Variants in ERBB4 observed in about 807,000 individuals in gnomAD.
ERBB4 encodes erb-b2 receptor tyrosine kinase 4, also known as receptor tyrosine-protein kinase erbB-4.
In ERBB4, 42 loss-of-function variants were observed where a neutral mutation model predicts 158.0. The ratio of observed to expected loss-of-function variants is 0.27; its 90% CI spans 0.21 to 0.34. The LOEUF (loss-of-function observed/expected upper bound fraction) is 0.34, where lower values mean the gene tolerates loss of function less well. Among genes scored for constraint, ERBB4 ranks in the 10% least tolerant of loss-of-function variants. The probability of loss-of-function intolerance (pLI) is 1.00; values close to 1 mark genes in which losing one functional copy is unlikely to be tolerated. For synonymous variants in ERBB4, 583 were observed against 558.7 expected (o/e 1.04, Z -0.61); for missense variants, 1,333 against 1,624.1 (o/e 0.82, Z 3.08).
chr2:211,945,138 G>A (rs142512811), intron 3 of ERBB4, among the ~76,000 whole-genome samples: 138 of 152,052 alleles, frequency 9.1e-4, no homozygotes, highest in African/African-American at 2.7e-3. Flanking sequence ...TGCTTTAATC[G>A]GGTTACCTAG....
chr2:212,391,534 C>T (rs920057434), intron 1 of ERBB4, among the ~76,000 whole-genome samples: 2 of 147,054 alleles, frequency 1.4e-5, no homozygotes, highest in African/African-American at 5.2e-5. Context: ...CATTGTATGG[C>T]CTCATAGATA....
At chr2:211,664,438 G>A (rs1356264879) in intron 15 of ERBB4, among the ~76,000 whole-genome samples, 1 of 152,010 alleles carries the variant, frequency 6.6e-6, no homozygotes, top group Non-Finnish European at 1.5e-5. Context: ...GGCTTTATGG[G>A]CAGTAGGAGG....
At chr2:211,458,751 G>A (rs921393741) in intron 20 of ERBB4, among the ~76,000 whole-genome samples, 3 of 152,088 alleles carry the variant, frequency 2.0e-5, no homozygotes, top group Admixed American at 2.0e-4. Flanking sequence ...GCTTTCAGGG[G>A]AATCCAGGCT....
intron 1 of ERBB4, among the ~76,000 whole-genome samples, chr2:212,127,252 G>T: frequency 6.6e-6 from 1 of 152,174 alleles, no homozygotes; most frequent in East Asian, 1.9e-4. Flanking sequence ...TGTAGCCCAG[G>T]ATGACATTGA....
chr2:211,700,052 T>C (rs2073174551), intron 12 of ERBB4, among the ~76,000 whole-genome samples: 1 of 152,186 alleles, frequency 6.6e-6, no homozygotes, highest in African/African-American at 2.4e-5. Flanking sequence ...TTCTTTTATA[T>C]ATTTCTTTAC....
chr2:212,403,984 G>A (rs2091278153), intron 1 of ERBB4, among the ~76,000 whole-genome samples: 1 of 151,918 alleles, frequency 6.6e-6, no homozygotes, highest in Non-Finnish European at 1.5e-5. Flanking sequence ...GTTTAAGAAG[G>A]CAGGTAAAGG....
At chr2:212,279,075 T>C (rs2085654814) in intron 1 of ERBB4, among the ~76,000 whole-genome samples, 1 of 151,528 alleles carries the variant, frequency 6.6e-6, no homozygotes. Flanking sequence ...TGTAAATTTG[T>C]GTGTATTTTT....
intron 1 of ERBB4, among the ~76,000 whole-genome samples, chr2:212,474,589 A>G (rs1689280153): frequency 6.6e-6 from 1 of 151,952 alleles, no homozygotes; most frequent in Non-Finnish European, 1.5e-5. Context: ...AAACTTTCTG[A>G]GAGTCTTGAG....
intron 1 of ERBB4, among the ~76,000 whole-genome samples, chr2:212,240,985 G>A (rs527718243): frequency 6.6e-6 from 1 of 152,216 alleles, no homozygotes; most frequent in Non-Finnish European, 1.5e-5. Flanking sequence ...TCTAACCATG[G>A]AGAAAATTGG....
chr2:211,733,394 G>T (rs2074492048), intron 5 of ERBB4, among the ~76,000 whole-genome samples: 1 of 152,092 alleles, frequency 6.6e-6, no homozygotes, highest in Non-Finnish European at 1.5e-5. Context: ...TTCCTCACAG[G>T]CCTGTAGATA....
chr2:212,004,708 A>G (rs1214384500), intron 2 of ERBB4, among the ~76,000 whole-genome samples: 1 of 152,142 alleles, frequency 6.6e-6, no homozygotes, highest in African/African-American at 2.4e-5. Context: ...CTATCACACT[A>G]CAGAGAGGTA....
chr2:212,457,188 T>C (rs982585724), intron 1 of ERBB4, among the ~76,000 whole-genome samples: 9 of 152,064 alleles, frequency 5.9e-5, no homozygotes, highest in African/African-American at 1.9e-4. Context: ...TTCAGGCTAA[T>C]AGAGACAGGT....
chr2:212,296,228 T>C (rs1430504580), intron 1 of ERBB4, among the ~76,000 whole-genome samples: 2 of 151,930 alleles, frequency 1.3e-5, no homozygotes, highest in African/African-American at 2.4e-5. Context: ...GACTGAAGCA[T>C]GAGAGAGGGC....
Position 211,840,216 on chromosome 2 carries a change from C to A in ERBB4, c.422-52057G>T, listed in dbSNP as rs141470411. Among the ~76,000 whole-genome samples the A allele has an allele frequency of 8.5e-5, 13 of 152,074 alleles. No homozygotes were observed. In the East Asian group the frequency reaches 1.9e-3, roughly 23 times the overall value. ...TGATGGTGAATAAGTCTCAAGAGATCTGATGGTTTTCTAAAGGGGAGTTCC... is the reference window on the plus strand; with the variant it reads ...TGATGGTGAATAAGTCTCAAGAGATATGATGGTTTTCTAAAGGGGAGTTCC... On this transcript the variant is annotated intron_variant, in intron 3 of 27. Coordinates refer to ENST00000342788, the MANE Select transcript of ERBB4 (RefSeq NM_005235.3).
At chr2:211,553,591 CAT>C (rs1240859166) in intron 20 of ERBB4, among the ~76,000 whole-genome samples, 1 of 152,136 alleles carries the variant, frequency 6.6e-6, no homozygotes, top group Non-Finnish European at 1.5e-5. Context: ...TAAAATAACA[CAT>C]AGTTTACATT....
At position 211,515,017 on chromosome 2, in the gene ERBB4, T is replaced by A. The variant is rs540839567; in HGVS notation, c.2487+46886A>T. On this transcript the variant is annotated intron_variant, in intron 20 of 27. Transcript: ENST00000342788. Reference sequence around the variant, plus strand: ...AGTACGAAATGAAAAAGGGATTGATTACTGGCTGGTGAGGAGCAGGAAAGG... The same window carrying A: ...AGTACGAAATGAAAAAGGGATTGATAACTGGCTGGTGAGGAGCAGGAAAGG... Among the ~76,000 whole-genome samples, 5 of 152,272 alleles carry A rather than the reference T, an allele frequency of 3.3e-5. No homozygotes were observed. In the East Asian group the frequency reaches 9.6e-4, roughly 29 times the overall value.
At chr2:212,299,238 G>A (rs1385616588) in intron 1 of ERBB4, among the ~76,000 whole-genome samples, 1 of 151,584 alleles carries the variant, frequency 6.6e-6, no homozygotes, top group African/African-American at 2.4e-5. Context: ...TGAGGCAGGA[G>A]CTCACAGCTC....
intron 2 of ERBB4, among the ~76,000 whole-genome samples, chr2:212,052,698 A>C (rs2077433945): frequency 6.6e-6 from 1 of 152,162 alleles, no homozygotes. Context: ...TTCCTTCCTC[A>C]GGAAGCTGAC....
At chr2:212,528,783 G>A (rs1369487059) in intron 1 of ERBB4, among the ~76,000 whole-genome samples, 3 of 152,198 alleles carry the variant, frequency 2.0e-5, no homozygotes, top group African/African-American at 7.2e-5. Context: ...TTTTCAGAAC[G>A]TAGAGTGAAT....
Sources: allele counts gnomAD v4.1 joint callset (sites outside exome capture counted in the v4.1 genomes callset), GRCh38; gene constraint gnomAD v4.1.1; transcripts MANE v1.5; gene names NCBI Gene and HGNC (gene_info 2026-07-23, HGNC 2026-07-21).